Variants in FRMD5 observed in about 807,000 individuals in gnomAD.
FRMD5 encodes the protein FERM domain containing 5.
In FRMD5, 20 loss-of-function variants were observed where a neutral mutation model predicts 69.0. That is an observed-to-expected ratio of 0.29 (90% CI 0.20 to 0.42). The LOEUF (loss-of-function observed/expected upper bound fraction) is 0.42. FRMD5 is among the 10% of genes least tolerant of loss of function. FRMD5 has a pLI of 1.00. For missense variants in FRMD5, 595 were observed against 708.6 expected, an observed-to-expected ratio of 0.84 and a Z score of 1.82; for synonymous variants, 271 against 260.1, an observed-to-expected ratio of 1.04 and a Z score of -0.40.
At chr15:43,989,997 T>G (rs778664912) in intron 1 of FRMD5, 5 of 971,074 alleles carry the variant, frequency 5.1e-6, no homozygotes, top group Non-Finnish European at 6.6e-6. Flanking sequence ...TCAGGATGCC[T>G]CTCTTGCTCT....
At chr15:44,045,539 G>GT (rs1433565960) in intron 1 of FRMD5, among the ~76,000 whole-genome samples, 1 of 152,126 alleles carries the variant, frequency 6.6e-6, no homozygotes, top group East Asian at 1.9e-4. Context: ...CTATGCCTAT[G>GT]TACATACTTG....
intron 1 of FRMD5, among the ~76,000 whole-genome samples, chr15:44,084,559 T>C (rs1595704953): frequency 6.6e-6 from 1 of 152,130 alleles, no homozygotes; most frequent in African/African-American, 2.4e-5. Context: ...TCCTGGTTCT[T>C]CCCTCTGGGG....
chr15:43,891,841 T>C, intron 8 of FRMD5, 140 bp downstream of exon 8: 1 of 673,992 alleles, frequency 1.5e-6, no homozygotes, highest in South Asian at 1.8e-5. Context: ...ACTCCCTTCG[T>C]CAGTTACCAC....
chr15:43,908,327 CAAAAAA>C (rs58337379), intron 5 of FRMD5, among the ~76,000 whole-genome samples: 3 of 107,920 alleles, frequency 2.8e-5, no homozygotes, highest in Non-Finnish European at 3.8e-5. Context: ...GATCCTGTCT[CAAAAAA>C]AAAAAAAAAA....
At chr15:44,172,695 T>C (rs2077825947) in intron 1 of FRMD5, among the ~76,000 whole-genome samples, 1 of 152,188 alleles carries the variant, frequency 6.6e-6, no homozygotes, top group Non-Finnish European at 1.5e-5. Flanking sequence ...GATGTGCTTG[T>C]TCTCCAGAAT....
intron 1 of FRMD5, among the ~76,000 whole-genome samples, chr15:43,957,983 A>C (rs552229180): frequency 6.6e-6 from 1 of 152,206 alleles, no homozygotes; most frequent in African/African-American, 2.4e-5. Context: ...TCATTAACCT[A>C]TTTTGCAAAT....
intron 1 of FRMD5, among the ~76,000 whole-genome samples, chr15:44,183,056 C>T (rs2078036430): frequency 6.6e-6 from 1 of 152,112 alleles, no homozygotes; most frequent in Admixed American, 6.5e-5. Context: ...CCTTGGCCTC[C>T]CAAAGTGCTA....
At chr15:44,109,368 C>T (rs1193906358) in intron 1 of FRMD5, among the ~76,000 whole-genome samples, 4 of 152,144 alleles carry the variant, frequency 2.6e-5, no homozygotes, top group African/African-American at 2.4e-5. Context: ...TCTGGGTTGA[C>T]AGAATATTTT....
chr15:44,063,749 G>C, intron 1 of FRMD5: 1 of 324,824 alleles, frequency 3.1e-6, no homozygotes. Flanking sequence ...TTCCAAGAGA[G>C]AGATCCCACC....
intron 1 of FRMD5, among the ~76,000 whole-genome samples, chr15:44,007,273 CAT>C (rs1890494084): frequency 6.6e-6 from 1 of 151,980 alleles, no homozygotes; most frequent in African/African-American, 2.4e-5. Flanking sequence ...TATAGTGAAA[CAT>C]AACTTTTATA....
chr15:43,885,090 TAAG>T (rs928194490), intron 11 of FRMD5: 5 of 354,032 alleles, frequency 1.4e-5, no homozygotes, highest in Non-Finnish European at 2.6e-5. Context: ...AAAAAACACA[TAAG>T]AACAACCTTT....
chr15:43,917,425 G>A (rs1311848655), intron 4 of FRMD5, among the ~76,000 whole-genome samples: 1 of 151,956 alleles, frequency 6.6e-6, no homozygotes, highest in African/African-American at 2.4e-5. Context: ...GAGTCTCACT[G>A]TGTCACTCAG....
intron 1 of FRMD5, among the ~76,000 whole-genome samples, chr15:43,974,021 T>C (rs1460198923): frequency 6.6e-6 from 1 of 151,802 alleles, no homozygotes; most frequent in Non-Finnish European, 1.5e-5. Flanking sequence ...ATTAACTTTT[T>C]TTTTTTTTTG....
intron 1 of FRMD5, among the ~76,000 whole-genome samples, chr15:44,044,334 T>C (rs1595664594): frequency 6.6e-6 from 1 of 152,196 alleles, no homozygotes; most frequent in Non-Finnish European, 1.5e-5. Context: ...GACTGTAAAC[T>C]AGTTCAACCA....
At chr15:44,045,182 T>C (rs1270452325) in intron 1 of FRMD5, among the ~76,000 whole-genome samples, 1 of 152,262 alleles carries the variant, frequency 6.6e-6, no homozygotes, top group Non-Finnish European at 1.5e-5. Context: ...TAAAGTGTAT[T>C]CTTATTCAAT....
At chr15:43,942,321 C>T (rs923313314) in intron 1 of FRMD5, among the ~76,000 whole-genome samples, 2 of 152,166 alleles carry the variant, frequency 1.3e-5, no homozygotes. Flanking sequence ...CAGACATCTG[C>T]CCCCTCCCTC....
chr15:43,970,300 T>C (rs1452222332), intron 1 of FRMD5, among the ~76,000 whole-genome samples: 1 of 152,222 alleles, frequency 6.6e-6, no homozygotes, highest in African/African-American at 2.4e-5. Flanking sequence ...CTATTCTTTG[T>C]CTTTGAAATG....
chr15:44,194,906 G>C, intron 1 of FRMD5, 47 bp downstream of exon 1: 1 of 1,460,764 alleles, frequency 6.8e-7, no homozygotes, highest in Non-Finnish European at 9.2e-7. Flanking sequence ...ACCAGACTTG[G>C]GGGACAAGGG....
At chr15:44,049,693 C>A (rs1892574183) in intron 1 of FRMD5, among the ~76,000 whole-genome samples, 2 of 152,172 alleles carry the variant, frequency 1.3e-5, no homozygotes, top group South Asian at 4.1e-4. Flanking sequence ...ATTTAAAATC[C>A]TTCAGTCAGT....
Sources: gnomAD v4.1 joint callset for allele counts (sites outside exome capture counted in the v4.1 genomes callset) on GRCh38, gnomAD v4.1.1 for gene constraint, MANE v1.5 for transcripts, NCBI Gene and HGNC (gene_info 2026-07-23, HGNC 2026-07-21) for gene names.